Variants in RABGAP1L observed in about 807,000 individuals in gnomAD.
RABGAP1L encodes the protein rab GTPase-activating protein 1-like.
In RABGAP1L, 63 loss-of-function variants were observed where a neutral mutation model predicts 137.7. That is an observed-to-expected ratio of 0.46 (90% CI 0.37 to 0.56). RABGAP1L has a LOEUF of 0.56. Ranked by LOEUF, RABGAP1L falls within the 20% of genes least tolerant of loss-of-function variation. RABGAP1L has a pLI of 0.00. For missense variants in RABGAP1L, 1,095 were observed against 1,244.0 expected (o/e 0.88, Z 1.80); for synonymous variants, 431 against 433.7 (o/e 0.99, Z 0.08).
intron 22 of RABGAP1L, among the ~76,000 whole-genome samples, chr1:174,978,259 T>C (rs545952083): frequency 6.6e-6 from 1 of 152,316 alleles, no homozygotes; most frequent in Admixed American, 6.5e-5. Context: ...TCACTTTAGC[T>C]CCTTCTAAAG....
rs74126879 is a variant in RABGAP1L, at chr1:174,779,113, G to T, written c.2211+26759G>T. Reference sequence around the variant, plus strand: ...TTGCACATCTGTACATCATGTTTCTGATTATAACACTGCATTCACCTTTTC... The same window carrying T: ...TTGCACATCTGTACATCATGTTTCTTATTATAACACTGCATTCACCTTTTC... On this transcript the variant is annotated intron_variant, in intron 18 of 25. Coordinates refer to ENST00000681986, the MANE Select transcript of RABGAP1L (RefSeq NM_001366446.1). Among the ~76,000 whole-genome samples the T allele has an allele frequency of 5.2e-3, 787 of 152,252 alleles. 6 individuals carry two copies. Among genetic ancestry groups the T allele is most frequent in the African/African-American group, 0.018 (755 of 41,544 alleles).
intron 14 of RABGAP1L, among the ~76,000 whole-genome samples, chr1:174,655,102 A>G (rs147350612): frequency 5.1e-5 from 7 of 136,226 alleles, no homozygotes; most frequent in Admixed American, 1.4e-4. Flanking sequence ...GTGATTTGCT[A>G]ACATAATGCC....
At chr1:174,438,363 A>G (rs1397432449) in intron 13 of RABGAP1L, among the ~76,000 whole-genome samples, 1 of 152,176 alleles carries the variant, frequency 6.6e-6, no homozygotes, top group East Asian at 1.9e-4. Context: ...TGCAATAGCA[A>G]TGAATCTGAA....
chr1:174,371,182 C>T (rs1452157985), intron 12 of RABGAP1L, 110 bp downstream of exon 12: 4 of 475,112 alleles, frequency 8.4e-6, no homozygotes, highest in Non-Finnish European at 1.4e-5. Flanking sequence ...ATATTAAAAT[C>T]TATCTTAATA....
At chr1:174,520,010 G>A (rs1033558849) in intron 13 of RABGAP1L, among the ~76,000 whole-genome samples, 2 of 152,170 alleles carry the variant, frequency 1.3e-5, no homozygotes, top group Non-Finnish European at 2.9e-5. Context: ...TGGCTATACA[G>A]CATCAGGCCT....
intron 15 of RABGAP1L, among the ~76,000 whole-genome samples, chr1:174,689,482 A>AT (rs1199618219): frequency 2.0e-5 from 3 of 152,050 alleles, no homozygotes; most frequent in Non-Finnish European, 4.4e-5. Context: ...CAGAGTTCAT[A>AT]TTTTGTCATC....
chr1:174,649,697 C>T (rs1675295978), intron 14 of RABGAP1L, among the ~76,000 whole-genome samples: 1 of 152,092 alleles, frequency 6.6e-6, no homozygotes, highest in Non-Finnish European at 1.5e-5. Flanking sequence ...TATCCTGAGA[C>T]TTTGCTGAAG....
intron 14 of RABGAP1L, among the ~76,000 whole-genome samples, chr1:174,674,851 T>C (rs1337745697): frequency 1.3e-5 from 2 of 152,250 alleles, no homozygotes; most frequent in Non-Finnish European, 2.9e-5. Context: ...ATGATGAGCA[T>C]GTTTTCATGT....
chr1:174,462,262 A>G (rs1378125666), intron 13 of RABGAP1L, among the ~76,000 whole-genome samples: 4 of 152,232 alleles, frequency 2.6e-5, no homozygotes, highest in African/African-American at 9.6e-5. Flanking sequence ...TATTCAGGCC[A>G]GAAATAAATT....
chr1:174,452,389 C>A (rs574886102), intron 13 of RABGAP1L, among the ~76,000 whole-genome samples: 5 of 152,264 alleles, frequency 3.3e-5, no homozygotes, highest in Non-Finnish European at 7.4e-5. Flanking sequence ...ATACCAAATG[C>A]TCCAAAACCT....
At chr1:174,566,328 G>GT (rs1337460811) in intron 13 of RABGAP1L, among the ~76,000 whole-genome samples, 1 of 152,000 alleles carries the variant, frequency 6.6e-6, no homozygotes, top group African/African-American at 2.4e-5. Flanking sequence ...TTTTAATTTC[G>GT]TTTTTTCTTT....
chr1:174,648,872 A>G (rs1392283254), intron 14 of RABGAP1L, among the ~76,000 whole-genome samples: 1 of 152,116 alleles, frequency 6.6e-6, no homozygotes, highest in East Asian at 1.9e-4. Context: ...TGTGTTATGA[A>G]TCTGGGTGCT....
At chr1:174,550,889 T>TAC (rs1219290712) in intron 13 of RABGAP1L, among the ~76,000 whole-genome samples, 12 of 87,008 alleles carry the variant, frequency 1.4e-4, no homozygotes, top group African/African-American at 8.7e-4. Context: ...TATATATATA[T>TAC]ATATATACAC....
intron 13 of RABGAP1L, among the ~76,000 whole-genome samples, chr1:174,479,651 A>G (rs1045963544): frequency 2.0e-5 from 3 of 152,232 alleles, no homozygotes; most frequent in African/African-American, 7.2e-5. Context: ...GGGAAGCAGT[A>G]GTATAAATTT....
intron 13 of RABGAP1L, among the ~76,000 whole-genome samples, chr1:174,428,622 A>G (rs1652236105): frequency 6.6e-6 from 1 of 152,116 alleles, no homozygotes; most frequent in Admixed American, 6.5e-5. Flanking sequence ...ATTAAGAGAT[A>G]TTTTTTAAAA....
At chr1:174,743,302 C>G (rs1041181573) in intron 17 of RABGAP1L, among the ~76,000 whole-genome samples, 1 of 152,092 alleles carries the variant, frequency 6.6e-6, no homozygotes, top group Non-Finnish European at 1.5e-5. Context: ...CTGGTGAGTT[C>G]CAGTTCTTCC....
chr1:174,202,280 G>A (rs943962829), intron 1 of RABGAP1L, among the ~76,000 whole-genome samples: 19 of 152,204 alleles, frequency 1.2e-4, no homozygotes, highest in Non-Finnish European at 2.5e-4. Context: ...GTGTAAAAGT[G>A]TTCCTATTTC....
At chr1:174,915,034 T>C (rs976129070) in intron 19 of RABGAP1L, among the ~76,000 whole-genome samples, 2 of 152,210 alleles carry the variant, frequency 1.3e-5, no homozygotes. Flanking sequence ...CGTTGCATAG[T>C]GCATTGTATG....
chr1:174,353,016 C>T (rs1402965677), intron 11 of RABGAP1L, among the ~76,000 whole-genome samples: 9 of 152,132 alleles, frequency 5.9e-5, no homozygotes, highest in African/African-American at 2.2e-4. Flanking sequence ...TGGGACTGTT[C>T]TTTATCAGAC....
Sources: allele counts gnomAD v4.1 joint callset (sites outside exome capture counted in the v4.1 genomes callset), GRCh38; gene constraint gnomAD v4.1.1; transcripts MANE v1.5; gene names NCBI Gene and HGNC (gene_info 2026-07-23, HGNC 2026-07-21).